GABRG3: variants seen among roughly 807,000 people sequenced by gnomAD.
The protein encoded by GABRG3 is gamma-aminobutyric acid type A receptor subunit gamma3.
GABRG3 carries 25 observed loss-of-function variants against 48.8 expected under a neutral mutation model. The ratio of observed to expected loss-of-function variants is 0.51; its 90% CI spans 0.37 to 0.72. The LOEUF (loss-of-function observed/expected upper bound fraction) is 0.72, where lower values mean the gene tolerates loss of function less well. Ranked by LOEUF, GABRG3 falls within the 30% of genes least tolerant of loss-of-function variation. The pLI, the probability that GABRG3 is intolerant of heterozygous loss-of-function variation, is 0.00. For missense variants in GABRG3, 394 were observed against 577.9 expected (o/e 0.68, Z 3.26); for synonymous variants, 227 against 217.6 (o/e 1.04, Z -0.38).
chr15:27,329,974 G>A (rs568628994), intron 5 of GABRG3, among the ~76,000 whole-genome samples: 1 of 152,314 alleles, frequency 6.6e-6, no homozygotes, highest in African/African-American at 2.4e-5. Flanking sequence ...GGGCGTGGTG[G>A]CTCACGCCTG....
At chr15:27,248,803 C>CACAGAGAGAG (rs1377080195) in intron 3 of GABRG3, among the ~76,000 whole-genome samples, 22 of 110,240 alleles carry the variant, frequency 2.0e-4, no homozygotes, top group African/African-American at 7.8e-4. Context: ...CACACACACA[C>CACAGAGAGAG]AGAGAGAGAG....
chr15:27,400,320 C>T (rs1219979514), intron 5 of GABRG3, among the ~76,000 whole-genome samples: 1 of 152,062 alleles, frequency 6.6e-6, no homozygotes, highest in Non-Finnish European at 1.5e-5. Context: ...GATTTTTTTG[C>T]AAGATACCTC....
At chr15:27,192,722 C>G (rs1212504552) in intron 3 of GABRG3, among the ~76,000 whole-genome samples, 1 of 151,778 alleles carries the variant, frequency 6.6e-6, no homozygotes, top group African/African-American at 2.4e-5. Context: ...TCTCTCAACT[C>G]GTCATTCTCC....
chr15:27,342,370 G>A (rs1894212183), intron 5 of GABRG3, among the ~76,000 whole-genome samples: 1 of 152,198 alleles, frequency 6.6e-6, no homozygotes, highest in Non-Finnish European at 1.5e-5. Context: ...TGTTGTCCAA[G>A]TGCAGGGTTC....
At position 27,059,809 on chromosome 15, in the gene GABRG3, C is replaced by T. The variant is rs147974924; in HGVS notation, c.270+32988C>T. On this transcript the variant is annotated intron_variant, in intron 3 of 9. Transcript: ENST00000615808. ...TCGATTATTGACCACTAGGTGGCAC[C>T]ACGGAGAATAGAAATGTCTGCACCA... Among the ~76,000 whole-genome samples, 401 of 152,300 alleles carry T rather than the reference C, an allele frequency of 2.6e-3. 4 individuals are homozygous for T. Among genetic ancestry groups the T allele is most frequent in the South Asian group, 5.6e-3 (27 of 4,818 alleles).
At chr15:27,404,403 C>T (rs1032624796) in intron 5 of GABRG3, among the ~76,000 whole-genome samples, 6 of 152,148 alleles carry the variant, frequency 3.9e-5, no homozygotes, top group Admixed American at 1.3e-4. Flanking sequence ...TCACTGGGCT[C>T]CCTGAGCCTG....
At chr15:27,302,840 AACCCATGGAAATTAAACAACAT>A (rs983172105) in intron 3 of GABRG3, among the ~76,000 whole-genome samples, 1 of 151,968 alleles carries the variant, frequency 6.6e-6, no homozygotes, top group Non-Finnish European at 1.5e-5. Context: ...AAAATATCGA[AACCCATGGAAATTAAACAACAT>A]ACCTTTAAAT....
intron 2 of GABRG3, among the ~76,000 whole-genome samples, chr15:27,008,686 A>C (rs993602330): frequency 1.3e-5 from 2 of 151,760 alleles, no homozygotes; most frequent in African/African-American, 4.8e-5. Flanking sequence ...TCCCCCTGCA[A>C]AAGGGCACAC....
In GABRG3 at chr15:27,003,185, TTTGTATTTTTATTTTA is replaced by T. The variant is rs1895488001; in HGVS notation, c.203-23567_203-23552del. Among the ~76,000 whole-genome samples, 3 of 148,342 alleles carry T rather than the reference TTTGTATTTTTATTTTA, an allele frequency of 2.0e-5. No homozygotes were observed. The Admixed American group carries it at 2.0e-4, about 10-fold the overall frequency. ...TTTTTTATTTTTTATTTTTTTTAAT[TTTGTATTTTTATTTTA>T]TATTTATTTATTTATTTATTTATTT... On this transcript the variant is annotated intron_variant, in intron 2 of 9. Transcript: ENST00000615808.
chr15:27,276,034 T>G (rs1891241912), intron 3 of GABRG3, among the ~76,000 whole-genome samples: 1 of 152,182 alleles, frequency 6.6e-6, no homozygotes, highest in South Asian at 2.1e-4. Flanking sequence ...ACAGGACTTG[T>G]GGGAACAAAT....
At chr15:27,468,962 A>G (rs1002536013) in intron 5 of GABRG3, among the ~76,000 whole-genome samples, 2 of 152,252 alleles carry the variant, frequency 1.3e-5, no homozygotes, top group African/African-American at 4.8e-5. Flanking sequence ...ATAGTGCATG[A>G]TAAATTCTTA....
chr15:27,283,998 T>A (rs1177415072), intron 3 of GABRG3, among the ~76,000 whole-genome samples: 1 of 152,212 alleles, frequency 6.6e-6, no homozygotes, highest in African/African-American at 2.4e-5. Flanking sequence ...AGACTTAGAC[T>A]TTCTTCTTTG....
intron 3 of GABRG3, among the ~76,000 whole-genome samples, chr15:27,202,123 G>A (rs1308417224): frequency 6.6e-6 from 1 of 152,082 alleles, no homozygotes; most frequent in Admixed American, 6.5e-5. Flanking sequence ...TTCTCCAAGA[G>A]AACCAACGGA....
At chr15:27,127,468 T>A (rs1897841326) in intron 3 of GABRG3, among the ~76,000 whole-genome samples, 1 of 151,236 alleles carries the variant, frequency 6.6e-6, no homozygotes, top group Admixed American at 6.6e-5. Flanking sequence ...AGCCGTTTAA[T>A]GTGGACAGGG....
chr15:27,298,879 T>C (rs940112144), intron 3 of GABRG3, among the ~76,000 whole-genome samples: 20 of 150,530 alleles, frequency 1.3e-4, no homozygotes, highest in African/African-American at 4.4e-4. Context: ...GACCATATAA[T>C]TAATATGTTC....
chr15:27,478,292 A>G (rs1890008999), intron 5 of GABRG3, among the ~76,000 whole-genome samples: 2 of 152,200 alleles, frequency 1.3e-5, no homozygotes, highest in African/African-American at 4.8e-5. Context: ...ATATACAAAT[A>G]ACTCTTAAAA....
chr15:27,294,374 G>A (rs755380576), intron 3 of GABRG3, among the ~76,000 whole-genome samples: 1 of 151,768 alleles, frequency 6.6e-6, no homozygotes, highest in Non-Finnish European at 1.5e-5. Flanking sequence ...GCACCACCAC[G>A]CCCAGCTAAT....
chr15:27,203,697 T>C (rs1759767717), intron 3 of GABRG3, among the ~76,000 whole-genome samples: 1 of 152,238 alleles, frequency 6.6e-6, no homozygotes, highest in Non-Finnish European at 1.5e-5. Flanking sequence ...CTCACCAGCA[T>C]CTGTTACTTT....
intron 3 of GABRG3, among the ~76,000 whole-genome samples, chr15:27,116,533 A>G (rs572634722): frequency 5.3e-5 from 8 of 152,340 alleles, no homozygotes; most frequent in African/African-American, 1.9e-4. Context: ...TACCACTTCT[A>G]CTATGACAAC....
Sources: allele counts gnomAD v4.1 joint callset (sites outside exome capture counted in the v4.1 genomes callset), GRCh38; gene constraint gnomAD v4.1.1; transcripts MANE v1.5; gene names NCBI Gene and HGNC (gene_info 2026-07-23, HGNC 2026-07-21).